The following ZNF385D variants were observed in gnomAD, a reference collection of about 807,000 sequenced individuals.
ZNF385D encodes the protein zinc finger protein 385D, also known as zinc finger protein 659.
A neutral mutation model predicts 35.8 loss-of-function variants in ZNF385D; 15 were observed. That is an observed-to-expected ratio of 0.42 (90% CI 0.28 to 0.64). The LOEUF (loss-of-function observed/expected upper bound fraction) is 0.64. Ranked by LOEUF, ZNF385D falls within the 30% of genes least tolerant of loss-of-function variation. The pLI is 0.23. For synonymous variants in ZNF385D, 212 were observed against 186.8 expected, an observed-to-expected ratio of 1.13 and a Z score of -1.10; for missense variants, 474 against 494.6, an observed-to-expected ratio of 0.96 and a Z score of 0.39.
At chr3:21,976,707 A>C (rs567456129) in intron 3 of ZNF385D, among the ~76,000 whole-genome samples, 1 of 152,222 alleles carries the variant, frequency 6.6e-6, no homozygotes, top group Admixed American at 6.5e-5. Context: ...GAGAAATAAT[A>C]AACCAGCTGG....
chr3:21,746,808 C>G (rs2125542133), intron 1 of ZNF385D, among the ~76,000 whole-genome samples: 1 of 152,274 alleles, frequency 6.6e-6, no homozygotes, highest in African/African-American at 2.4e-5. Context: ...TCTCTGCTGC[C>G]TGCTGCTTTC....
At chr3:21,712,695 T>C (rs1045622083) in intron 1 of ZNF385D, among the ~76,000 whole-genome samples, 20 of 152,280 alleles carry the variant, frequency 1.3e-4, no homozygotes, top group Admixed American at 1.1e-3. Flanking sequence ...AGTTTGCAAA[T>C]ATATATGCAC....
At chr3:22,206,918 T>C (rs550383676) in intron 2 of ZNF385D, among the ~76,000 whole-genome samples, 1 of 151,546 alleles carries the variant, frequency 6.6e-6, no homozygotes, top group African/African-American at 2.4e-5. Context: ...AAGATCAGCA[T>C]AGAAATAAAT....
chr3:21,596,614 G>C (rs2064134516), intron 2 of ZNF385D, among the ~76,000 whole-genome samples: 1 of 150,420 alleles, frequency 6.6e-6, no homozygotes, highest in African/African-American at 2.4e-5. Context: ...CTGGCCAGCT[G>C]AGACTACAGG....
At chr3:21,426,197 T>C (rs1575122910) in intron 5 of ZNF385D, among the ~76,000 whole-genome samples, 2 of 152,306 alleles carry the variant, frequency 1.3e-5, no homozygotes, top group Admixed American at 1.3e-4. Context: ...CGTGGCTATG[T>C]ATTTTAGGTT....
intron 2 of ZNF385D, among the ~76,000 whole-genome samples, chr3:22,364,712 A>G (rs1175136899): frequency 6.6e-6 from 1 of 152,258 alleles, no homozygotes; most frequent in South Asian, 2.1e-4. Flanking sequence ...TAGAAGTATT[A>G]TGTCATCTAG....
Position 21,992,973 on chromosome 3 carries a change from CA to C in ZNF385D, c.325+175843del, listed in dbSNP as rs559142953. 1.4e-3 allele frequency among the ~76,000 whole-genome samples: 213 copies of C among 152,324 alleles called. 1 individual carries two copies. Among genetic ancestry groups the C allele is most frequent in the African/African-American group, 5.0e-3 (207 of 41,588 alleles). ...ATTGTACAAATCGTCAAATCACCCA[CA>C]GGAGTAGTATAGGAATTTTCTCTCC... On this transcript the variant is annotated intron_variant, in intron 3 of 5. Coordinates refer to the ZNF385D transcript ENST00000494108.
chr3:22,356,059 T>G (rs138276492), intron 2 of ZNF385D, among the ~76,000 whole-genome samples: 1 of 152,086 alleles, frequency 6.6e-6, no homozygotes, highest in East Asian at 1.9e-4. Flanking sequence ...AAATAAAACT[T>G]GTTAATTTGT....
At chr3:21,466,802 G>C (rs1703546501) in intron 4 of ZNF385D, among the ~76,000 whole-genome samples, 1 of 152,138 alleles carries the variant, frequency 6.6e-6, no homozygotes, top group African/African-American at 2.4e-5. Flanking sequence ...TGAGCTATTG[G>C]CTTTGATAGG....
intron 3 of ZNF385D, among the ~76,000 whole-genome samples, chr3:21,839,285 T>C (rs1695516780): frequency 6.6e-6 from 1 of 152,050 alleles, no homozygotes; most frequent in Non-Finnish European, 1.5e-5. Flanking sequence ...TAAAATCTCA[T>C]ATTATGAAAT....
chr3:22,301,544 G>C (rs1365931208), intron 2 of ZNF385D, among the ~76,000 whole-genome samples: 1 of 151,712 alleles, frequency 6.6e-6, no homozygotes, highest in East Asian at 1.9e-4. Context: ...ATATAATTTT[G>C]TCAATTAAAA....
intron 2 of ZNF385D, among the ~76,000 whole-genome samples, chr3:22,369,321 T>A (rs1379825173): frequency 6.6e-6 from 1 of 152,156 alleles, no homozygotes; most frequent in Non-Finnish European, 1.5e-5. Flanking sequence ...AGAAAATACA[T>A]ACATGTGATT....
chr3:22,061,753 C>T (rs1699698326), intron 3 of ZNF385D, among the ~76,000 whole-genome samples: 2 of 152,192 alleles, frequency 1.3e-5, no homozygotes, highest in South Asian at 4.1e-4. Context: ...TTGCCCTCTA[C>T]CACTGCCTCT....
intron 1 of ZNF385D, among the ~76,000 whole-genome samples, chr3:21,705,320 T>C (rs904875614): frequency 6.6e-6 from 1 of 152,200 alleles, no homozygotes; most frequent in Non-Finnish European, 1.5e-5. Flanking sequence ...TAAGCTCTTT[T>C]AAAAACATCA....
intron 3 of ZNF385D, among the ~76,000 whole-genome samples, chr3:22,131,793 T>C (rs1166350887): frequency 6.6e-6 from 1 of 152,070 alleles, no homozygotes; most frequent in Non-Finnish European, 1.5e-5. Context: ...AGAATACAGA[T>C]GAGAGAAAGC....
intron 3 of ZNF385D, among the ~76,000 whole-genome samples, chr3:21,977,705 G>T (rs976808301): frequency 1.3e-5 from 2 of 151,812 alleles, no homozygotes; most frequent in South Asian, 4.2e-4. Context: ...GGCATGGTGG[G>T]GCTGTCTATG....
Position 21,960,614 on chromosome 3 carries a change from T to A in ZNF385D, c.325+208203A>T, listed in dbSNP as rs1156919703. Among the ~76,000 whole-genome samples the A allele has an allele frequency of 3.3e-5, 5 of 152,236 alleles. No homozygotes were observed. The East Asian group carries it at 9.7e-4, about 29-fold the overall frequency. On this transcript the variant is annotated intron_variant, in intron 3 of 5. Coordinates refer to the ZNF385D transcript ENST00000494108. ...TTATTCAAAGGAAAGGAAATCAGTA[T>A]ATAAAAAGGACACCTACACTCCTTT...
chr3:22,205,145 G>A (rs1367175706), intron 2 of ZNF385D, among the ~76,000 whole-genome samples: 1 of 151,968 alleles, frequency 6.6e-6, no homozygotes, highest in African/African-American at 2.4e-5. Flanking sequence ...GGCATCCAAT[G>A]AAGCTCCAAA....
At chr3:21,926,741 C>T (rs1700748552) in intron 3 of ZNF385D, among the ~76,000 whole-genome samples, 1 of 152,132 alleles carries the variant, frequency 6.6e-6, no homozygotes, top group South Asian at 2.1e-4. Context: ...TAGGCATGGG[C>T]AAAGACTTCA....
Sources: gnomAD v4.1 joint callset for allele counts (sites outside exome capture counted in the v4.1 genomes callset) on GRCh38, gnomAD v4.1.1 for gene constraint, MANE v1.5 for transcripts, NCBI Gene and HGNC (gene_info 2026-07-23, HGNC 2026-07-21) for gene names.